MBNL1: variants seen among roughly 807,000 people sequenced by gnomAD.
MBNL1 encodes muscleblind-like protein 1.
Under a neutral mutation model 42.2 loss-of-function variants are expected in MBNL1, and 8 were observed. The ratio of observed to expected loss-of-function variants is 0.19; its 90% confidence interval spans 0.11 to 0.34. The LOEUF is 0.34. Ranked by LOEUF, MBNL1 falls within the 10% of genes least tolerant of loss-of-function variation. MBNL1 has a pLI of 1.00. For synonymous variants in MBNL1, 169 were observed against 173.9 expected, an observed-to-expected ratio of 0.97 and a Z score of 0.22; for missense variants, 309 against 495.3, an observed-to-expected ratio of 0.62 and a Z score of 3.57.
intron 2 of MBNL1, among the ~76,000 whole-genome samples, chr3:152,398,392 G>A (rs2098078893): frequency 6.6e-6 from 1 of 151,970 alleles, no homozygotes; most frequent in Admixed American, 6.6e-5. Flanking sequence ...GAGAGGTTAG[G>A]ATTCTTTTAG....
intron 2 of MBNL1, among the ~76,000 whole-genome samples, chr3:152,399,748 C>T (rs1023201450): frequency 1.3e-5 from 2 of 152,140 alleles, no homozygotes; most frequent in African/African-American, 4.8e-5. Context: ...AGTGACCCTC[C>T]TATCTCAGCC....
chr3:152,315,015 T>C (rs2069806922), intron 2 of MBNL1, among the ~76,000 whole-genome samples: 1 of 152,248 alleles, frequency 6.6e-6, no homozygotes, highest in Admixed American at 6.5e-5. Flanking sequence ...ATTGATTTAG[T>C]GTGTGACAAT....
chr3:152,283,840 A>G (rs1259566314), intron 1 of MBNL1, among the ~76,000 whole-genome samples: 1 of 151,740 alleles, frequency 6.6e-6, no homozygotes, highest in Non-Finnish European at 1.5e-5. Context: ...TTGGATTTCT[A>G]CTCCTTTTTG....
chr3:152,453,013 TATA>T (rs1726462558), intron 6 of MBNL1, among the ~76,000 whole-genome samples: 1 of 151,742 alleles, frequency 6.6e-6, no homozygotes, highest in African/African-American at 2.4e-5. Flanking sequence ...CATTAATACA[TATA>T]ATCATTTATA....
chr3:152,410,919 G>A (rs192885059), intron 2 of MBNL1, among the ~76,000 whole-genome samples: 7 of 152,170 alleles, frequency 4.6e-5, no homozygotes, highest in South Asian at 2.1e-4. Context: ...TAACAGATAC[G>A]CTGCTAAATT....
intron 2 of MBNL1, among the ~76,000 whole-genome samples, chr3:152,391,352 A>G (rs764371357): frequency 3.9e-5 from 6 of 152,266 alleles, no homozygotes; most frequent in Non-Finnish European, 8.8e-5. Flanking sequence ...TCTTCATAGC[A>G]AGGACGGATG....
chr3:152,340,404 C>T (rs1183055393), intron 2 of MBNL1: 3 of 1,161,312 alleles, frequency 2.6e-6, no homozygotes, highest in Non-Finnish European at 3.6e-6. Context: ...ATTGTAATGA[C>T]AATGACTGAG....
chr3:152,352,001 C>CA (rs2095057859), intron 2 of MBNL1, among the ~76,000 whole-genome samples: 1 of 152,062 alleles, frequency 6.6e-6, no homozygotes, highest in African/African-American at 2.4e-5. Flanking sequence ...ATCTATTTTT[C>CA]AAAGTACAGT....
intron 4 of MBNL1, among the ~76,000 whole-genome samples, chr3:152,436,594 TAAG>T (rs1208825898): frequency 3.3e-5 from 5 of 152,218 alleles, no homozygotes; most frequent in African/African-American, 1.2e-4. Context: ...GGGATCCAAA[TAAG>T]AAGTCTGAGA....
At chr3:152,284,033 A>G (rs932294147) in intron 1 of MBNL1, among the ~76,000 whole-genome samples, 1 of 152,102 alleles carries the variant, frequency 6.6e-6, no homozygotes, top group East Asian at 1.9e-4. Context: ...TTAAACATCA[A>G]ATTCTTAAAG....
chr3:152,374,470 A>G (rs893953512), intron 2 of MBNL1, among the ~76,000 whole-genome samples: 3 of 152,178 alleles, frequency 2.0e-5, no homozygotes, highest in Admixed American at 6.5e-5. Context: ...CAGCTCTATT[A>G]TAAATCACTA....
intron 9 of MBNL1, among the ~76,000 whole-genome samples, chr3:152,460,267 G>A (rs139376380): frequency 1.7e-4 from 26 of 150,730 alleles, no homozygotes; most frequent in African/African-American, 5.6e-4. Context: ...AAAAAAAAAT[G>A]TAGTGAGTCT....
chr3:152,399,229 T>C (rs2098115783), intron 2 of MBNL1, among the ~76,000 whole-genome samples: 1 of 152,206 alleles, frequency 6.6e-6, no homozygotes, highest in Non-Finnish European at 1.5e-5. Context: ...GTATAAAATA[T>C]ATTCAAGGTG....
At chr3:152,400,865 G>A (rs867179558) in intron 2 of MBNL1, among the ~76,000 whole-genome samples, 1 of 152,148 alleles carries the variant, frequency 6.6e-6, no homozygotes, top group Non-Finnish European at 1.5e-5. Context: ...GGCAAAAACA[G>A]AGTTTAAAAA....
intron 2 of MBNL1, among the ~76,000 whole-genome samples, chr3:152,376,216 T>A (rs1305534201): frequency 2.0e-5 from 3 of 152,352 alleles, no homozygotes; most frequent in African/African-American, 7.2e-5. Context: ...AAATAGTTTC[T>A]ATTTATGATA....
At chr3:152,351,324 C>T (rs544460201) in intron 2 of MBNL1, among the ~76,000 whole-genome samples, 48 of 152,270 alleles carry the variant, frequency 3.2e-4, no homozygotes, top group African/African-American at 1.2e-3. Context: ...TTTGTCTGAT[C>T]CATACCATAA....
At chr3:152,251,125 A>G (rs1278090762) in intron 2 of MBNL1, among the ~76,000 whole-genome samples, 1 of 152,108 alleles carries the variant, frequency 6.6e-6, no homozygotes, top group East Asian at 1.9e-4. Flanking sequence ...ATAGATTTAC[A>G]TAGCTACACT....
At chr3:152,425,658 A>C (rs915530385) in intron 3 of MBNL1, among the ~76,000 whole-genome samples, 2 of 152,104 alleles carry the variant, frequency 1.3e-5, no homozygotes, top group Admixed American at 1.3e-4. Context: ...ATGAGATAGC[A>C]TCTCACACCA....
At chr3:152,405,761 A>T (rs1238915565) in intron 2 of MBNL1, among the ~76,000 whole-genome samples, 1 of 152,172 alleles carries the variant, frequency 6.6e-6, no homozygotes, top group Non-Finnish European at 1.5e-5. Flanking sequence ...AATTGGATAA[A>T]TATTTATAAC....
Sources: gnomAD v4.1 joint callset for allele counts (sites outside exome capture counted in the v4.1 genomes callset) on GRCh38, gnomAD v4.1.1 for gene constraint, MANE v1.5 for transcripts, NCBI Gene and HGNC (gene_info 2026-07-23, HGNC 2026-07-21) for gene names.